ZNF385D: variants seen among roughly 807,000 people sequenced by gnomAD.
ZNF385D encodes zinc finger protein 659.
In ZNF385D, 15 loss-of-function variants were observed where a neutral mutation model predicts 35.8. The observed-to-expected ratio is 0.42, with a 90% confidence interval of 0.28 to 0.64. ZNF385D has a LOEUF of 0.64. Among genes scored for constraint, ZNF385D ranks in the 30% least tolerant of loss-of-function variants. The pLI, the probability that ZNF385D is intolerant of heterozygous loss-of-function variation, is 0.23. For synonymous variants in ZNF385D, 212 were observed against 186.8 expected, an observed-to-expected ratio of 1.13 and a Z score of -1.10; for missense variants, 474 against 494.6, an observed-to-expected ratio of 0.96 and a Z score of 0.39.
At chr3:22,121,671 AT>A (rs59348757) in intron 3 of ZNF385D, among the ~76,000 whole-genome samples, 26,712 of 144,794 alleles carry the variant, frequency 0.18, 2,668 homozygotes, top group Middle Eastern at 0.26. Context: ...GAATGATGTG[AT>A]TTTTTTTTTT....
chr3:22,276,702 G>T (rs1452158984), intron 2 of ZNF385D, among the ~76,000 whole-genome samples: 2 of 152,114 alleles, frequency 1.3e-5, no homozygotes, highest in Non-Finnish European at 2.9e-5. Context: ...TGTCCACAGA[G>T]TATTTGCATC....
chr3:21,844,288 C>G, intron 3 of ZNF385D, among the ~76,000 whole-genome samples: 1 of 151,848 alleles, frequency 6.6e-6, no homozygotes, highest in African/African-American at 2.4e-5. Context: ...AATACAATAT[C>G]ATAAGAGTGT....
chr3:22,079,717 T>C (rs1461841794), intron 3 of ZNF385D, among the ~76,000 whole-genome samples: 3 of 152,048 alleles, frequency 2.0e-5, no homozygotes, highest in Non-Finnish European at 4.4e-5. Context: ...ATTTGTATCA[T>C]TTTCTCTTTG....
chr3:22,159,253 A>C (rs114517931), intron 3 of ZNF385D, among the ~76,000 whole-genome samples: 121 of 152,256 alleles, frequency 7.9e-4, no homozygotes, highest in African/African-American at 2.9e-3. Context: ...AGAGAAGCAC[A>C]AATGAAAATC....
intron 3 of ZNF385D, among the ~76,000 whole-genome samples, chr3:22,072,405 C>G (rs1342707371): frequency 6.6e-6 from 1 of 152,006 alleles, no homozygotes; most frequent in African/African-American, 2.4e-5. Context: ...GAGGCTTCAT[C>G]TGTCCTTCAA....
chr3:21,703,117 A>G (rs1220871502), intron 1 of ZNF385D, among the ~76,000 whole-genome samples: 1 of 152,194 alleles, frequency 6.6e-6, no homozygotes, highest in Non-Finnish European at 1.5e-5. Flanking sequence ...TGATAAAGAC[A>G]TACCAGAGAC....
At chr3:21,625,049 A>G (rs374220542) in intron 2 of ZNF385D, among the ~76,000 whole-genome samples, 110 of 152,168 alleles carry the variant, frequency 7.2e-4, no homozygotes, top group Middle Eastern at 3.4e-3. Context: ...ATTTTCTTTG[A>G]TTCAGTTCTA....
intron 2 of ZNF385D, among the ~76,000 whole-genome samples, chr3:22,274,854 C>T (rs1034456150): frequency 4.7e-5 from 7 of 149,844 alleles, no homozygotes; most frequent in African/African-American, 1.7e-4. Context: ...ATATTTTTTA[C>T]CTGAACTGAA....
At chr3:22,277,536 T>C (rs537813116) in intron 2 of ZNF385D, among the ~76,000 whole-genome samples, 2 of 152,210 alleles carry the variant, frequency 1.3e-5, no homozygotes, top group Admixed American at 6.5e-5. Flanking sequence ...AATCACTAAA[T>C]AGTATCAAAC....
intron 2 of ZNF385D, among the ~76,000 whole-genome samples, chr3:22,178,722 T>C (rs1326998659): frequency 6.6e-6 from 1 of 152,242 alleles, no homozygotes; most frequent in Non-Finnish European, 1.5e-5. Context: ...GATTTAGGTC[T>C]AACATGTAAG....
intron 2 of ZNF385D, among the ~76,000 whole-genome samples, chr3:22,369,432 G>C (rs1428587229): frequency 6.6e-6 from 1 of 151,302 alleles, no homozygotes; most frequent in East Asian, 2.0e-4. Flanking sequence ...CTCTTCTAAG[G>C]TTAAATATGT....
At chr3:21,892,906 A>C (rs1244733805) in intron 3 of ZNF385D, among the ~76,000 whole-genome samples, 2 of 152,210 alleles carry the variant, frequency 1.3e-5, no homozygotes, top group Non-Finnish European at 2.9e-5. Context: ...GCAGAATGTC[A>C]GAGTAAGTGA....
chr3:21,509,674 C>T (rs191836638), intron 4 of ZNF385D, among the ~76,000 whole-genome samples: 1 of 152,186 alleles, frequency 6.6e-6, no homozygotes. Flanking sequence ...AGACATTTTA[C>T]TCAGCATTTA....
At chr3:21,787,908 C>T (rs944711664) in intron 3 of ZNF385D, among the ~76,000 whole-genome samples, 5 of 131,434 alleles carry the variant, frequency 3.8e-5, no homozygotes, top group Non-Finnish European at 7.6e-5. Flanking sequence ...AGCCACTGCA[C>T]TCCAGCCTGG....
chr3:21,820,311 T>A (rs2073347093), intron 3 of ZNF385D, among the ~76,000 whole-genome samples: 1 of 151,254 alleles, frequency 6.6e-6, no homozygotes, highest in Non-Finnish European at 1.5e-5. Flanking sequence ...TGGAGATAAA[T>A]AAAAAGAAGA....
At chr3:22,044,092 A>C (rs535925489) in intron 3 of ZNF385D, among the ~76,000 whole-genome samples, 2 of 106,716 alleles carry the variant, frequency 1.9e-5, no homozygotes, top group East Asian at 7.9e-4. Context: ...CCTGGGAAAA[A>C]CTTTTTTTTT....
rs1008490850 is a variant in ZNF385D at position 21,739,315 on chromosome 3, T to C, written c.22+11580A>G. On this transcript the variant is annotated intron_variant, in intron 1 of 7. Transcript: ENST00000281523. ...GCTAGGAAGTGCATGAGTTAAACATTTTTCTCTCTTTCTCTCCACGGACAT... is the reference window on the plus strand; with the variant it reads ...GCTAGGAAGTGCATGAGTTAAACATCTTTCTCTCTTTCTCTCCACGGACAT... 2.0e-5 allele frequency among the ~76,000 whole-genome samples: 3 copies of C among 152,166 alleles called. 1 individual carries two copies. Among genetic ancestry groups the C allele is most frequent in the Non-Finnish European group, 4.4e-5 (3 of 68,030 alleles).
At chr3:22,096,917 A>C (rs1701665217) in intron 3 of ZNF385D, among the ~76,000 whole-genome samples, 1 of 152,022 alleles carries the variant, frequency 6.6e-6, no homozygotes, top group African/African-American at 2.4e-5. Context: ...AAATGACCTA[A>C]TGTCACTCTC....
At chr3:22,123,921 C>CCTCTCTCTCT (rs1703249848) in intron 3 of ZNF385D, among the ~76,000 whole-genome samples, 1 of 79,516 alleles carries the variant, frequency 1.3e-5, no homozygotes, top group African/African-American at 5.0e-5. Context: ...AGCTAGACTC[C>CCTCTCTCTCT]ATCTCTCTCT....
Sources: gnomAD v4.1 joint callset for allele counts (sites outside exome capture counted in the v4.1 genomes callset) on GRCh38, gnomAD v4.1.1 for gene constraint, MANE v1.5 for transcripts, NCBI Gene and HGNC (gene_info 2026-07-23, HGNC 2026-07-21) for gene names.